RBM47: variants seen among roughly 807,000 people sequenced by gnomAD.
RBM47 encodes the protein RNA-binding protein 47.
A neutral mutation model predicts 47.1 loss-of-function variants in RBM47; 21 were observed. That is an observed-to-expected ratio of 0.45 (90% CI 0.32 to 0.64). RBM47 has a LOEUF of 0.64. Ranked by LOEUF, RBM47 falls within the 30% of genes least tolerant of loss-of-function variation. The pLI, the probability that RBM47 is intolerant of heterozygous loss-of-function variation, is 0.05. For missense variants in RBM47, 708 were observed against 870.9 expected, an observed-to-expected ratio of 0.81 and a Z score of 2.35; for synonymous variants, 375 against 361.7, an observed-to-expected ratio of 1.04 and a Z score of -0.42.
chr4:40,443,030 C>T (rs528374135), intron 3 of RBM47, among the ~76,000 whole-genome samples: 8 of 152,238 alleles, frequency 5.3e-5, no homozygotes, highest in Non-Finnish European at 1.2e-4. Flanking sequence ...ACCTTGAAGA[C>T]ATTATGCTAA....
At chr4:40,616,341 G>C (rs1045393123) in intron 1 of RBM47, among the ~76,000 whole-genome samples, 17 of 141,880 alleles carry the variant, frequency 1.2e-4, no homozygotes, top group African/African-American at 4.5e-4. Context: ...GCGACAGAGC[G>C]AGACTCTGTC....
chr4:40,428,031 A>G (rs1171828618), intron 6 of RBM47, among the ~76,000 whole-genome samples: 1 of 152,148 alleles, frequency 6.6e-6, no homozygotes, highest in Non-Finnish European at 1.5e-5. Context: ...TCTCTGCAAA[A>G]GATACAAAAC....
At chr4:40,593,237 A>C (rs1734428568) in intron 1 of RBM47, among the ~76,000 whole-genome samples, 1 of 150,420 alleles carries the variant, frequency 6.6e-6, no homozygotes, top group African/African-American at 2.4e-5. Context: ...TGACCTCGTG[A>C]TCCGCCCACC....
At chr4:40,459,452 G>A (rs1170667275) in intron 3 of RBM47, among the ~76,000 whole-genome samples, 1 of 152,112 alleles carries the variant, frequency 6.6e-6, no homozygotes, top group African/African-American at 2.4e-5. Context: ...TGAAATCCCA[G>A]CTACTGGGGA....
chr4:40,511,193 C>T (rs1396171640), intron 2 of RBM47, among the ~76,000 whole-genome samples: 4 of 152,210 alleles, frequency 2.6e-5, no homozygotes, highest in Non-Finnish European at 5.9e-5. Flanking sequence ...CTGGCACAGC[C>T]GCCAGAATCA....
In RBM47 at chr4:40,564,625, A is replaced by G. The variant is rs576098374; in HGVS notation, c.-239-20119T>C. Among the ~76,000 whole-genome samples the G allele has an allele frequency of 1.5e-3, 232 of 152,342 alleles. 2 individuals are homozygous for G. Among genetic ancestry groups the G allele is most frequent in the African/African-American group, 5.3e-3 (220 of 41,580 alleles). On this transcript the variant is annotated intron_variant, in intron 1 of 6. Coordinates refer to ENST00000295971, the MANE Select transcript of RBM47 (RefSeq NM_001098634.2). ...TTGGTTTATCATCAAACATGAAGCA[A>G]TAGGAAGGAATCAATAGAATTTGGA... is the stretch of plus-strand genomic sequence containing the variant.
intron 2 of RBM47, among the ~76,000 whole-genome samples, chr4:40,473,229 C>T (rs866589101): frequency 6.6e-6 from 1 of 152,182 alleles, no homozygotes; most frequent in Admixed American, 6.5e-5. Context: ...CCTCATGAAG[C>T]AAGATCTATG....
At chr4:40,464,381 G>A (rs958428520) in intron 3 of RBM47, among the ~76,000 whole-genome samples, 1 of 152,044 alleles carries the variant, frequency 6.6e-6, no homozygotes, top group African/African-American at 2.4e-5. Context: ...ACATACCTAT[G>A]ATTAAGTTTA....
chr4:40,622,955 G>A (rs887613088), intron 1 of RBM47, among the ~76,000 whole-genome samples: 3 of 152,206 alleles, frequency 2.0e-5, no homozygotes, highest in Non-Finnish European at 4.4e-5. Flanking sequence ...GACAAAGGTG[G>A]AAGCAGGGGA....
At chr4:40,460,339 T>C (rs1560384634) in intron 3 of RBM47, among the ~76,000 whole-genome samples, 1 of 152,110 alleles carries the variant, frequency 6.6e-6, no homozygotes, top group East Asian at 1.9e-4. Flanking sequence ...GGCCTGCCCA[T>C]GAAGGCAGTT....
At chr4:40,519,597 T>A (rs1185784444) in intron 2 of RBM47, among the ~76,000 whole-genome samples, 1 of 148,490 alleles carries the variant, frequency 6.7e-6, no homozygotes, top group Non-Finnish European at 1.5e-5. Flanking sequence ...ACACCCAGCA[T>A]CCTTCAATCC....
Position 40,618,637 on chromosome 4 carries a change from C to T in RBM47, c.-240+10759G>A, listed in dbSNP as rs183452333. On this transcript the variant is annotated intron_variant, in intron 1 of 6. Coordinates refer to ENST00000295971, the MANE Select transcript of RBM47 (RefSeq NM_001098634.2). Reference sequence around the variant, plus strand: ...CAGCCTGACCAACATGGTGAAACCCCGTCTCTACTAAAAATACAAAAATAA... The same window carrying T: ...CAGCCTGACCAACATGGTGAAACCCTGTCTCTACTAAAAATACAAAAATAA... Among the ~76,000 whole-genome samples, 7 of 150,504 alleles carry T rather than the reference C, an allele frequency of 4.7e-5. No homozygotes were observed. In the East Asian group the frequency reaches 1.4e-3, roughly 30 times the overall value.
At chr4:40,432,944 T>G in intron 5 of RBM47, 82 bp from the exon 6 acceptor site, 3 of 1,504,184 alleles carry the variant, frequency 2.0e-6, no homozygotes, top group Non-Finnish European at 2.6e-6. Context: ...AAGATATTTT[T>G]TATTTTTATT....
intron 1 of RBM47, among the ~76,000 whole-genome samples, chr4:40,571,551 T>A (rs1577983113): frequency 6.6e-6 from 1 of 152,106 alleles, no homozygotes; most frequent in South Asian, 2.1e-4. Context: ...GAGACCTTTC[T>A]ATTCTGACTC....
chr4:40,576,128 G>GC (rs1732282836), intron 1 of RBM47, among the ~76,000 whole-genome samples: 1 of 152,114 alleles, frequency 6.6e-6, no homozygotes, highest in Non-Finnish European at 1.5e-5. Flanking sequence ...CTGGGGCAGT[G>GC]CCCCAGGCAA....
chr4:40,475,955 G>T (rs900241721), intron 2 of RBM47, among the ~76,000 whole-genome samples: 1 of 152,140 alleles, frequency 6.6e-6, no homozygotes, highest in African/African-American at 2.4e-5. Context: ...ACCTGAAACG[G>T]AATGGAAACC....
chr4:40,585,877 T>C (rs978253310), intron 1 of RBM47, among the ~76,000 whole-genome samples: 4 of 152,202 alleles, frequency 2.6e-5, no homozygotes, highest in African/African-American at 9.6e-5. Flanking sequence ...AATGAGTGGA[T>C]GAATTAACAC....
In RBM47 at chr4:40,604,763, C is replaced by T. The variant is rs576146754; in HGVS notation, c.-240+24633G>A. Among the ~76,000 whole-genome samples the T allele has an allele frequency of 1.3e-3, 196 of 152,294 alleles. 1 individual carries two copies. The highest frequency in any genetic ancestry group is 0.01 in the South Asian group (49 of 4,830). On this transcript the variant is annotated intron_variant, in intron 1 of 6. Transcript: ENST00000295971. ...ACGGAGTCTCGCTCTGTCGCCCAGG[C>T]TGGAGTACAGTGGTGCAATCTCAGC...
At chr4:40,436,066 G>A (rs1712304464) in intron 5 of RBM47, among the ~76,000 whole-genome samples, 1 of 151,064 alleles carries the variant, frequency 6.6e-6, no homozygotes, top group Admixed American at 6.6e-5. Context: ...CAGCTATTCT[G>A]GAGGCTGAGA....
Sources: gnomAD v4.1 joint callset for allele counts (sites outside exome capture counted in the v4.1 genomes callset) on GRCh38, gnomAD v4.1.1 for gene constraint, MANE v1.5 for transcripts, NCBI Gene and HGNC (gene_info 2026-07-23, HGNC 2026-07-21) for gene names.